The following AKAP6 variants were observed in gnomAD, a reference collection of about 807,000 sequenced individuals.
AKAP6 encodes A-kinase anchor protein 6.
AKAP6 carries 58 observed loss-of-function variants against 188.5 expected under a neutral mutation model. The observed-to-expected ratio is 0.31, with a 90% CI of 0.25 to 0.38. The LOEUF (loss-of-function observed/expected upper bound fraction) is 0.38. Ranked by LOEUF, AKAP6 falls within the 10% of genes least tolerant of loss-of-function variation. The pLI is 1.00. For missense variants in AKAP6, 2,710 were observed against 2,740.0 expected (o/e 0.99, Z 0.24); for synonymous variants, 989 against 998.6 (o/e 0.99, Z 0.18).
At chr14:32,352,091 G>GTGTATGTT (rs1215061211) in intron 1 of AKAP6, among the ~76,000 whole-genome samples, 170 of 99,252 alleles carry the variant, frequency 1.7e-3, no homozygotes, top group African/African-American at 8.3e-3. Context: ...GTGTGTGTGT[G>GTGTATGTT]TGTGTGTGTG....
intron 1 of AKAP6, among the ~76,000 whole-genome samples, chr14:32,428,249 T>G (rs1001384488): frequency 6.6e-6 from 1 of 152,306 alleles, no homozygotes; most frequent in East Asian, 1.9e-4. Context: ...ATAGTGATCC[T>G]TGTTTTGGCA....
intron 7 of AKAP6, among the ~76,000 whole-genome samples, chr14:32,630,169 G>A (rs910131789): frequency 1.3e-5 from 2 of 152,154 alleles, no homozygotes; most frequent in Middle Eastern, 3.4e-3. Context: ...ACACGTAGAC[G>A]TTTTAATTGA....
intron 2 of AKAP6, among the ~76,000 whole-genome samples, chr14:32,468,407 T>G (rs774507621): frequency 4.6e-5 from 7 of 152,166 alleles, no homozygotes. Context: ...AGACAATGCC[T>G]TGCTCTTTCA....
intron 1 of AKAP6, among the ~76,000 whole-genome samples, chr14:32,364,460 C>A (rs1439020589): frequency 3.9e-5 from 6 of 152,182 alleles, no homozygotes; most frequent in Non-Finnish European, 2.9e-5. Flanking sequence ...CCCCTCAGTT[C>A]CCTACCCAAT....
intron 12 of AKAP6, among the ~76,000 whole-genome samples, chr14:32,799,003 G>C (rs2140081340): frequency 6.6e-6 from 1 of 152,242 alleles, no homozygotes; most frequent in South Asian, 2.1e-4. Context: ...TATTAGTTTA[G>C]TTATGCTATT....
intron 7 of AKAP6, among the ~76,000 whole-genome samples, chr14:32,630,098 G>A (rs1257156347): frequency 6.6e-6 from 1 of 152,066 alleles, no homozygotes; most frequent in Non-Finnish European, 1.5e-5. Flanking sequence ...CAGTGTACAG[G>A]CCAAAGTACC....
chr14:32,829,769 G>A (rs945727521), intron 13 of AKAP6, 79 bp from the exon 14 acceptor site: 1 of 619,048 alleles, frequency 1.6e-6, no homozygotes, highest in African/African-American at 1.9e-5. Flanking sequence ...AGCCTTCAAT[G>A]GTTCCTCAAA....
intron 4 of AKAP6, among the ~76,000 whole-genome samples, chr14:32,565,674 AT>A (rs1359681211): frequency 3.3e-5 from 5 of 152,190 alleles, no homozygotes; most frequent in Admixed American, 3.3e-4. Context: ...TTTAATGACC[AT>A]TCCATTGTCT....
In AKAP6 at chr14:32,821,786, A is replaced by C; in HGVS notation, c.3973A>C (p.Ser1325Arg). The stretch of plus-strand genomic sequence containing the variant: ...GCCTAATGTTTTAACTAAGAGTCTC[A>C]GTAAAGACTCTTCATTTTCATCTAC... ...TQPNVLTKSL[S>R]KDSSFSSTKS... Residue 1325 changes from serine to arginine, a missense_variant, in exon 13 of 14, where the codon AGT becomes CGT. Coordinates refer to ENST00000280979, the MANE Select transcript of AKAP6 (RefSeq NM_004274.5). The C allele has an allele frequency of 6.2e-7, 1 of 1,613,828 alleles. No homozygotes were observed. Among genetic ancestry groups the C allele is most frequent in the South Asian group, 1.1e-5 (1 of 91,072 alleles).
At chr14:32,679,213 A>G (rs1889568575) in intron 8 of AKAP6, among the ~76,000 whole-genome samples, 1 of 152,186 alleles carries the variant, frequency 6.6e-6, no homozygotes, top group African/African-American at 2.4e-5. Flanking sequence ...ATATTTTTAA[A>G]AAGTGTATAT....
At chr14:32,791,991 G>T (rs2033624571) in intron 12 of AKAP6, among the ~76,000 whole-genome samples, 1 of 151,976 alleles carries the variant, frequency 6.6e-6, no homozygotes, top group African/African-American at 2.4e-5. Context: ...TCTCTGTTTT[G>T]GTACCAGTAC....
chr14:32,394,674 G>A (rs1226452402), intron 1 of AKAP6, among the ~76,000 whole-genome samples: 2 of 152,092 alleles, frequency 1.3e-5, no homozygotes, highest in Non-Finnish European at 2.9e-5. Flanking sequence ...ACTTGGCTGT[G>A]CTGCATTTGT....
intron 5 of AKAP6, among the ~76,000 whole-genome samples, chr14:32,589,436 C>T (rs1471374359): frequency 6.6e-6 from 1 of 152,166 alleles, no homozygotes; most frequent in Admixed American, 6.5e-5. Context: ...TTATAGCATA[C>T]AGGCATTTTG....
intron 12 of AKAP6, among the ~76,000 whole-genome samples, chr14:32,799,006 A>G (rs2033858217): frequency 6.6e-6 from 1 of 152,236 alleles, no homozygotes. Context: ...TAGTTTAGTT[A>G]TGCTATTGTA....
chr14:32,681,400 C>T (rs551913038), intron 8 of AKAP6, among the ~76,000 whole-genome samples: 1 of 152,200 alleles, frequency 6.6e-6, no homozygotes, highest in South Asian at 2.1e-4. Context: ...GAGCTAAGAC[C>T]TCGACTCAGC....
intron 7 of AKAP6, among the ~76,000 whole-genome samples, chr14:32,650,761 G>T (rs1282171002): frequency 6.6e-6 from 1 of 152,076 alleles, no homozygotes; most frequent in East Asian, 1.9e-4. Context: ...AAGCGGCATT[G>T]TTCACCCTGT....
At chr14:32,453,774 T>C (rs1891028040) in intron 2 of AKAP6, among the ~76,000 whole-genome samples, 1 of 146,068 alleles carries the variant, frequency 6.8e-6, no homozygotes, top group South Asian at 2.2e-4. Context: ...TTTTTTTGTA[T>C]TTTTAGTAGA....
At chr14:32,451,294 A>C (rs550456780) in intron 2 of AKAP6, among the ~76,000 whole-genome samples, 92 of 152,274 alleles carry the variant, frequency 6.0e-4, no homozygotes, top group Middle Eastern at 3.4e-3. Context: ...TGAGTTGAAT[A>C]ATTTATTATC....
At position 32,546,905 on chromosome 14, in the gene AKAP6, A is replaced by G. The variant is rs777777083; in HGVS notation, c.2252A>G (p.Glu751Gly). The G allele has an allele frequency of 6.2e-7, 1 of 1,613,892 alleles. No individual in the cohort carries two copies. Among genetic ancestry groups the G allele is most frequent in the Non-Finnish European group, 8.5e-7 (1 of 1,180,008 alleles). Residue 751 changes from glutamate (E) to glycine (G), a missense_variant, in exon 4 of 14, where the codon GAG becomes GGG. Around this residue, in one of 2 missense-constraint regions of AKAP6, gnomAD observed 2,473 missense variants for 2,426.1 expected, o/e 1.02. Coordinates refer to ENST00000280979, the MANE Select transcript of AKAP6 (RefSeq NM_004274.5). ...AGAGCTTCATCCTCTGAGAAAAATG[A>G]GAGCCATTCTGCCACTAAATCAGCT... ...SERASSSEKNESHSATKSALI... is the reference protein window; with the variant it reads ...SERASSSEKNGSHSATKSALI...
Sources: allele counts gnomAD v4.1 joint callset (sites outside exome capture counted in the v4.1 genomes callset), GRCh38; gene constraint gnomAD v4.1.1; regional missense constraint gnomAD v4.1.1; transcripts MANE v1.5; gene names NCBI Gene and HGNC (gene_info 2026-07-23, HGNC 2026-07-21).